Variants in ACVR1 observed in about 807,000 individuals in gnomAD.
ACVR1 encodes activin receptor type-1.
ACVR1 carries 38 observed loss-of-function variants against 57.1 expected under a neutral mutation model. That is an observed-to-expected ratio of 0.67 (90% CI 0.51 to 0.87). ACVR1 has a LOEUF of 0.87. Among genes scored for constraint, ACVR1 ranks in the 40% least tolerant of loss-of-function variants. The probability of loss-of-function intolerance (pLI) is 0.00; values close to 1 mark genes in which losing one functional copy is unlikely to be tolerated. For synonymous variants in ACVR1, 212 were observed against 228.1 expected (o/e 0.93, Z 0.63); for missense variants, 463 against 638.2 (o/e 0.73, Z 2.96).
chr2:157,821,827 TAC>T (rs1688171352), intron 1 of ACVR1, among the ~76,000 whole-genome samples: 1 of 152,246 alleles, frequency 6.6e-6, no homozygotes, highest in East Asian at 1.9e-4. Context: ...AACATTACAG[TAC>T]AGTTTTCTTC....
intron 2 of ACVR1, among the ~76,000 whole-genome samples, chr2:157,804,852 C>A (rs1574085723): frequency 6.6e-6 from 1 of 152,194 alleles, no homozygotes; most frequent in African/African-American, 2.4e-5. Context: ...TCCCATGTTA[C>A]TTTTCAAATT....
intron 9 of ACVR1, among the ~76,000 whole-genome samples, chr2:157,740,352 CCTT>C (rs944166586): frequency 2.6e-5 from 4 of 152,120 alleles, no homozygotes; most frequent in Non-Finnish European, 2.9e-5. Context: ...TCTTAGAGGC[CCTT>C]CTTCTCCTGT....
chr2:157,784,688 G>A (rs561531637), intron 3 of ACVR1, among the ~76,000 whole-genome samples: 54 of 152,328 alleles, frequency 3.5e-4, no homozygotes, highest in African/African-American at 1.2e-3. Flanking sequence ...CTTCGGAACC[G>A]CCAGGGAGAA....
chr2:157,765,621 G>A (rs1685834526), intron 8 of ACVR1, among the ~76,000 whole-genome samples: 1 of 152,220 alleles, frequency 6.6e-6, no homozygotes, highest in Non-Finnish European at 1.5e-5. Context: ...TAGTGTACAT[G>A]CTGAAATCAT....
rs1363971691 is a variant in ACVR1 at position 157,836,235 on chromosome 2, G to GC, written c.-182-17677dup. Among the ~76,000 whole-genome samples the GC allele has an allele frequency of 7.9e-5, 12 of 152,268 alleles. No individual in the cohort carries two copies. In the East Asian group the frequency reaches 2.1e-3, roughly 27 times the overall value. On this transcript the variant is annotated intron_variant, in intron 1 of 10. Transcript: ENST00000434821. ...AAGAGGCAAATACTTTTTTGGAAATGCCTAACATAAAGGCTTTATCTGTAA... is the reference window on the plus strand; with the variant it reads ...AAGAGGCAAATACTTTTTTGGAAATGCCCTAACATAAAGGCTTTATCTGTAA...
chr2:157,871,947 T>C (rs1690127780), intron 1 of ACVR1, among the ~76,000 whole-genome samples: 1 of 152,218 alleles, frequency 6.6e-6, no homozygotes. Flanking sequence ...AGTCTTTCAT[T>C]TGAATGTCCT....
intron 2 of ACVR1, chr2:157,806,787 A>G (rs1687564160): frequency 6.6e-6 from 1 of 152,240 alleles, no homozygotes. Context: ...GACCTGTTAA[A>G]TATTTTTAAC....
At chr2:157,778,424 AGC>A in intron 4 of ACVR1, 82 bp from the exon 5 acceptor site, 1 of 1,181,742 alleles carries the variant, frequency 8.5e-7, no homozygotes, top group Non-Finnish European at 1.2e-6. Context: ...CCTAACAAGT[AGC>A]TCCTGATCCT....
chr2:157,854,265 T>C (rs1689429102), intron 1 of ACVR1, among the ~76,000 whole-genome samples: 1 of 150,374 alleles, frequency 6.7e-6, no homozygotes, highest in Non-Finnish European at 1.5e-5. Flanking sequence ...TCCACACACA[T>C]ATTTCTAGCT....
intron 9 of ACVR1, among the ~76,000 whole-genome samples, chr2:157,754,880 G>A (rs1685358515): frequency 6.6e-6 from 1 of 151,848 alleles, no homozygotes; most frequent in African/African-American, 2.4e-5. Context: ...AGCTAACCAA[G>A]TCCCACACCA....
chr2:157,866,232 G>A (rs974192388), intron 1 of ACVR1, among the ~76,000 whole-genome samples: 3 of 152,072 alleles, frequency 2.0e-5, no homozygotes, highest in African/African-American at 7.2e-5. Flanking sequence ...GCCTCTATGA[G>A]AACAAAAGAA....
At chr2:157,834,137 G>A (rs12996081) in intron 1 of ACVR1, among the ~76,000 whole-genome samples, 3,312 of 152,244 alleles carry the variant, frequency 0.022, 60 homozygotes, top group African/African-American at 0.046. Context: ...TGTCGCCCAG[G>A]CTGGAGTGCA....
chr2:157,825,721 A>G (rs1688319642), intron 1 of ACVR1, among the ~76,000 whole-genome samples: 1 of 152,226 alleles, frequency 6.6e-6, no homozygotes. Flanking sequence ...CTTCCATGAA[A>G]TCAGTCTGCT....
chr2:157,740,698 C>T (rs1390912115), intron 9 of ACVR1, among the ~76,000 whole-genome samples: 1 of 152,166 alleles, frequency 6.6e-6, no homozygotes, highest in African/African-American at 2.4e-5. Context: ...GGAAACAAAG[C>T]ATGGCTGGAT....
At chr2:157,835,018 C>T (rs550742622) in intron 1 of ACVR1, among the ~76,000 whole-genome samples, 15 of 152,146 alleles carry the variant, frequency 9.9e-5, no homozygotes, top group Non-Finnish European at 1.9e-4. Context: ...AAATAAACGT[C>T]GGGTCTTTAT....
At chr2:157,779,212 G>A (rs1686412157) in intron 4 of ACVR1, among the ~76,000 whole-genome samples, 1 of 152,216 alleles carries the variant, frequency 6.6e-6, no homozygotes, top group African/African-American at 2.4e-5. Context: ...GTGATCTGCA[G>A]ATTAGAAACT....
intron 3 of ACVR1, among the ~76,000 whole-genome samples, chr2:157,781,581 G>A (rs191917120): frequency 2.6e-5 from 4 of 152,290 alleles, no homozygotes; most frequent in African/African-American, 7.2e-5. Context: ...CAAGAGAACC[G>A]AATAATGTTT....
intron 10 of ACVR1, 66 bp from the exon 11 acceptor site, chr2:157,737,731 T>A (rs1367138549): frequency 2.5e-6 from 4 of 1,587,910 alleles, no homozygotes; most frequent in Non-Finnish European, 3.5e-6. Context: ...GAAGCTGGGC[T>A]GATATCATGT....
chr2:157,816,752 A>T (rs572495538), intron 2 of ACVR1, among the ~76,000 whole-genome samples: 2 of 152,290 alleles, frequency 1.3e-5, no homozygotes, highest in South Asian at 4.1e-4. Flanking sequence ...GCAGAATTTA[A>T]TCCCCAATCC....
Sources: gnomAD v4.1 joint callset for allele counts (sites outside exome capture counted in the v4.1 genomes callset) on GRCh38, gnomAD v4.1.1 for gene constraint, MANE v1.5 for transcripts, NCBI Gene and HGNC (gene_info 2026-07-23, HGNC 2026-07-21) for gene names.